The following PPIH variants were observed in gnomAD, a reference collection of about 807,000 sequenced individuals.
PPIH encodes peptidylprolyl isomerase H.
PPIH carries 16 observed loss-of-function variants against 27.6 expected under a neutral mutation model. That is an observed-to-expected ratio of 0.58 (90% CI 0.39 to 0.88). PPIH has a LOEUF of 0.88. Among genes scored for constraint, PPIH ranks in the 40% least tolerant of loss-of-function variants. The probability of loss-of-function intolerance (pLI) is 0.00; values close to 1 mark genes in which losing one functional copy is unlikely to be tolerated. For missense variants in PPIH, 155 were observed against 224.1 expected, an observed-to-expected ratio of 0.69 and a Z score of 1.97; for synonymous variants, 63 against 76.1, an observed-to-expected ratio of 0.83 and a Z score of 0.90.
In PPIH at chr1:42,676,423, G is replaced by C. The variant is rs553641630; in HGVS notation, c.*22-161G>C. ...GCGGAGGTGGCAGTGAGCCGAGATC[G>C]CGCCACTGTACTCCAGCCTGGGCAA... On this transcript the variant is annotated intron_variant, in intron 9 of 9. Transcript: ENST00000304979. Among the ~76,000 whole-genome samples the C allele has an allele frequency of 2.6e-5, 4 of 151,914 alleles. No individual in the cohort carries two copies. In the East Asian group the frequency reaches 7.8e-4, roughly 30 times the overall value.
At chr1:42,660,396 C>T (rs150147473) in intron 4 of PPIH, among the ~76,000 whole-genome samples, 30 of 152,236 alleles carry the variant, frequency 2.0e-4, no homozygotes, top group African/African-American at 6.3e-4. Context: ...TCAGCTTAAT[C>T]ATTCAGGAAA....
chr1:42,661,048 ATGGGGAAGTTCTTGAAAGTGGC>A (rs1648986709), intron 5 of PPIH, 144 bp downstream of exon 5: 1 of 715,458 alleles, frequency 1.4e-6, no homozygotes, highest in Admixed American at 2.8e-5. Context: ...GAGAATGGTG[ATGGGGAAGTTCTTGAAAGTGGC>A]TGGGTACGAC....
At chr1:42,678,891 T>C (rs1557524405), downstream of PPIH, 1 of 152,270 alleles carries the variant, frequency 6.6e-6, no homozygotes, top group Non-Finnish European at 1.5e-5. Flanking sequence ...CAGGCTTTAA[T>C]ATGCCAGATC....
chr1:42,681,398 C>T (rs1650014814), downstream of PPIH: 1 of 152,164 alleles, frequency 6.6e-6, no homozygotes, highest in Admixed American at 6.5e-5. Context: ...GGAGTATTTA[C>T]CGTGTTGGCT....
Position 42,667,324 on chromosome 1 carries a change from G to A in PPIH, c.466-27G>A. On this transcript the variant is annotated intron_variant, in intron 8 of 9. Transcript: ENST00000304979. ...GGAACGAGGAAGTGCCTGAGTGGAT[G>A]AATCTCCATTGTGCTTTTTTTCCTA... is the stretch of plus-strand genomic sequence containing the variant. 5 of 1,559,060 alleles carry A rather than the reference G, an allele frequency of 3.2e-6. No homozygotes were observed. In the East Asian group the frequency reaches 6.7e-5, roughly 21 times the overall value.
chr1:42,677,404 G>A (rs1394465515), downstream of PPIH, among the ~76,000 whole-genome samples: 4 of 152,174 alleles, frequency 2.6e-5, no homozygotes, highest in African/African-American at 9.7e-5. Flanking sequence ...CCTGGGAGGT[G>A]GAGGTTGCAG....
At chr1:42,665,830 C>T (rs1649300162) in intron 6 of PPIH, 150 bp from the exon 7 acceptor site, 3 of 659,174 alleles carry the variant, frequency 4.6e-6, no homozygotes, top group Non-Finnish European at 8.2e-6. Context: ...TCCTTGGATC[C>T]TAGCTTAGGC....
chr1:42,662,867 CTA>C (rs1557512127), intron 5 of PPIH, among the ~76,000 whole-genome samples: 2 of 152,114 alleles, frequency 1.3e-5, no homozygotes, highest in Non-Finnish European at 2.9e-5. Context: ...TTAAAATAAT[CTA>C]TATGTTTTAC....
At position 42,666,147 on chromosome 1, in the gene PPIH, T is replaced by TA; in HGVS notation, c.424+81dup. ...CCAGAGGAGTTAGTTCTCAAACTCT[T>TA]ACCAAGAAAGCTCAACCTGTGTAAC... On this transcript the variant is annotated intron_variant, in intron 7 of 9. Coordinates refer to ENST00000304979, the MANE Select transcript of PPIH (RefSeq NM_006347.4). The TA allele has an allele frequency of 2.2e-6, 3 of 1,372,782 alleles. 1 individual carries two copies. The highest frequency in any genetic ancestry group is 3.1e-6 in the Non-Finnish European group (3 of 963,188). 85.0% of individuals were successfully genotyped at this position (1,372,782 alleles called of 1,614,324 possible). A position where few individuals can be genotyped will look rare whatever the true frequency, so the allele number is the denominator to read the frequency against.
chr1:42,675,713 T>A (rs1649847150), intron 9 of PPIH, among the ~76,000 whole-genome samples: 1 of 152,208 alleles, frequency 6.6e-6, no homozygotes, highest in East Asian at 1.9e-4. Flanking sequence ...TATCTGGGTG[T>A]ACTTACTCTG....
Position 42,658,833 on chromosome 1 carries a change from G to A in PPIH, c.67-11G>A. The A allele has an allele frequency of 8.7e-6, 14 of 1,614,146 alleles. No homozygotes were observed. Among genetic ancestry groups the A allele is most frequent in the Non-Finnish European group, 9.3e-6 (11 of 1,179,980 alleles). On this transcript the variant is annotated splice_polypyrimidine_tract_variant and intron_variant, in intron 1 of 9. Coordinates refer to ENST00000304979, the MANE Select transcript of PPIH (RefSeq NM_006347.4). Reference sequence around the variant, plus strand: ...GGACTGGGCCTTCTGACACTCTCCCGCTGATTGCAGGAAGTTGGCCGCATG... The same window carrying A: ...GGACTGGGCCTTCTGACACTCTCCCACTGATTGCAGGAAGTTGGCCGCATG...
At chr1:42,664,530 A>C (rs1649223444) in intron 5 of PPIH, among the ~76,000 whole-genome samples, 1 of 152,134 alleles carries the variant, frequency 6.6e-6, no homozygotes, top group African/African-American at 2.4e-5. Context: ...TGAAGGCATG[A>C]GAGTCTTCAG....
rs149745380 is a variant in PPIH at position 42,670,767 on chromosome 1, G to T, written c.*21+3327G>T. Among the ~76,000 whole-genome samples, 265 of 152,140 alleles carry T rather than the reference G, an allele frequency of 1.7e-3. 2 individuals carry two copies. Among genetic ancestry groups the T allele is most frequent in the Middle Eastern group, 0.014 (4 of 292 alleles). On this transcript the variant is annotated intron_variant, in intron 9 of 9. Coordinates refer to ENST00000304979, the MANE Select transcript of PPIH (RefSeq NM_006347.4). The stretch of plus-strand genomic sequence containing the variant: ...TTAAAATGTGGCTGGTGCAACTGAG[G>T]GACTAAACTGTTAACTTTTTATTTT...
chr1:42,661,085 T>C lies in PPIH; in HGVS notation c.243+181T>C, dbSNP rs1648989249. On this transcript the variant is annotated intron_variant, in intron 5 of 9. Coordinates refer to ENST00000304979, the MANE Select transcript of PPIH (RefSeq NM_006347.4). ...TTGAAAGTGGCTGGGTACGACTGAC[T>C]GTAGATAACCGACTTTAGCACTTTG... 6 of 584,418 alleles carry C rather than the reference T, an allele frequency of 1.0e-5. No homozygotes were observed. The Middle Eastern group carries it at 1.3e-3, about 126-fold the overall frequency. 36.2% of individuals were successfully genotyped at this position (584,418 alleles called of 1,614,324 possible).
chr1:42,663,136 G>A (rs1649135751), intron 5 of PPIH, among the ~76,000 whole-genome samples: 1 of 152,212 alleles, frequency 6.6e-6, no homozygotes, highest in South Asian at 2.1e-4. Context: ...GGTTCACTGG[G>A]AAATTGGAGA....
intron 6 of PPIH, among the ~76,000 whole-genome samples, chr1:42,665,410 CAAAGAAAAG>C (rs372559959): frequency 3.9e-5 from 6 of 151,982 alleles, no homozygotes; most frequent in South Asian, 2.1e-4. Context: ...CATCTTAAAA[CAAAGAAAAG>C]AAAGAAAAGA....
intron 9 of PPIH, among the ~76,000 whole-genome samples, chr1:42,670,109 G>A (rs1010429715): frequency 1.3e-5 from 2 of 152,200 alleles, no homozygotes; most frequent in Admixed American, 1.3e-4. Flanking sequence ...CGGGGAACTC[G>A]TGTGAGCAAA....
At position 42,658,515 on chromosome 1, in the gene PPIH, G is replaced by A; in HGVS notation, c.66+3G>A. ...TTGATGTCAGTATTGGCGGTCAGGT[G>A]AGATCCAGGAGGCTGCCCACACCTG... On this transcript the variant is annotated splice_donor_region_variant and intron_variant, in intron 1 of 9. Coordinates refer to ENST00000304979, the MANE Select transcript of PPIH (RefSeq NM_006347.4). 1 of 1,613,540 alleles carries A rather than the reference G, an allele frequency of 6.2e-7. No homozygotes were observed. The highest frequency in any genetic ancestry group is 8.5e-7 in the Non-Finnish European group (1 of 1,179,442).
chr1:42,678,237 T>C (rs1649944900), downstream of PPIH, among the ~76,000 whole-genome samples: 1 of 152,158 alleles, frequency 6.6e-6, no homozygotes, highest in Non-Finnish European at 1.5e-5. Context: ...GCTGGTCAGC[T>C]GCACTCTGTT....
Sources: allele counts gnomAD v4.1 joint callset (sites outside exome capture counted in the v4.1 genomes callset), GRCh38; gene constraint gnomAD v4.1.1; transcripts MANE v1.5; gene names NCBI Gene and HGNC (gene_info 2026-07-23, HGNC 2026-07-21).